The following C3orf33 variants were observed in gnomAD, a reference collection of about 807,000 sequenced individuals.
C3orf33 encodes the protein AP-1 activity suppressor.
A neutral mutation model predicts 28.7 loss-of-function variants in C3orf33; 23 were observed. That is an observed-to-expected ratio of 0.80 (90% CI 0.58 to 1.13). The LOEUF is 1.13. Among genes scored for constraint, C3orf33 ranks in the 50% most tolerant of loss-of-function variants. The pLI is 0.00. For synonymous variants in C3orf33, 119 were observed against 120.5 expected, an observed-to-expected ratio of 0.99 and a Z score of 0.08; for missense variants, 327 against 353.4, an observed-to-expected ratio of 0.93 and a Z score of 0.60.
intron 2 of C3orf33, among the ~76,000 whole-genome samples, chr3:155,792,919 GATA>G: frequency 6.6e-6 from 1 of 152,066 alleles, no homozygotes; most frequent in Non-Finnish European, 1.5e-5. Context: ...TAGTCAAAGG[GATA>G]ATAACAGAGA....
At chr3:155,791,085 A>T (rs1268390272) in intron 2 of C3orf33, among the ~76,000 whole-genome samples, 1 of 152,154 alleles carries the variant, frequency 6.6e-6, no homozygotes, top group Non-Finnish European at 1.5e-5. Flanking sequence ...GAGGAGAGGA[A>T]AAGGAAGAGT....
At chr3:155,803,261 C>G (rs1217225601) in intron 1 of C3orf33, among the ~76,000 whole-genome samples, 1 of 151,988 alleles carries the variant, frequency 6.6e-6, no homozygotes, top group Non-Finnish European at 1.5e-5. Flanking sequence ...ATCAATACAA[C>G]TAGGTATATA....
intron 2 of C3orf33, among the ~76,000 whole-genome samples, chr3:155,795,868 A>T (rs1185230416): frequency 1.3e-5 from 2 of 152,080 alleles, no homozygotes; most frequent in African/African-American, 4.8e-5. Flanking sequence ...AGGCAGAAGA[A>T]TTGCTTGAAC....
intron 2 of C3orf33, among the ~76,000 whole-genome samples, chr3:155,790,163 CAAAAAAAA>C: frequency 2.6e-5 from 1 of 38,686 alleles, no homozygotes; most frequent in African/African-American, 1.1e-4. Flanking sequence ...AACTCTGTCT[CAAAAAAAA>C]AAAAAAAAAA....
chr3:155,806,181 A>G lies in C3orf33; in HGVS notation c.72T>C (p.Ala24=). ...DKDGMEPNVV[A]RISQWADDHL... is the part of the protein sequence containing the mutation. ...GGTCGTCTGCCCACTGCGAGATCCGAGCCACGACGTTGGGCTCCATTCCGT... is the reference window on the plus strand; with the variant it reads ...GGTCGTCTGCCCACTGCGAGATCCGGGCCACGACGTTGGGCTCCATTCCGT... Residue 24 remains alanine, a synonymous_variant, in exon 1 of 5, where the codon GCT becomes GCC. Transcript: ENST00000340171. 6.7e-7 allele frequency: 1 copy of G among 1,497,506 alleles called. No individual in the cohort carries two copies. 92.8% of individuals were successfully genotyped at this position (1,497,506 alleles called of 1,614,324 possible).
chr3:155,784,358 TTTAAA>T (rs1456943133), intron 2 of C3orf33, among the ~76,000 whole-genome samples: 9 of 152,316 alleles, frequency 5.9e-5, no homozygotes, highest in Admixed American at 5.2e-4. Flanking sequence ...TTGGTATGAA[TTTAAA>T]TTAGAGTGTT....
intron 4 of C3orf33, among the ~76,000 whole-genome samples, chr3:155,765,004 CAT>C (rs1243527234): frequency 6.6e-6 from 1 of 152,178 alleles, no homozygotes; most frequent in Non-Finnish European, 1.5e-5. Flanking sequence ...AAGCAATTAT[CAT>C]ATTTTTCTAA....
chr3:155,786,116 G>A (rs1221446772), intron 2 of C3orf33, among the ~76,000 whole-genome samples: 3 of 146,724 alleles, frequency 2.0e-5, no homozygotes, highest in African/African-American at 8.1e-5. Context: ...GGGGAAATGG[G>A]AAAGGAGAAA....
Position 155,763,556 on chromosome 3 carries a change from T to G in C3orf33, c.846A>C (p.Arg282Ser). Residue 282 changes from arginine to serine, a missense_variant, in exon 5 of 5, where the codon AGA becomes AGC. By Grantham distance (110) the Arg-to-Ser change is moderately radical (BLOSUM62 -1). Transcript: ENST00000340171. ...GAAAGTTTATGCGACTTATAAGTTC[T>G]CTGAACTTCAGTATTAAGGAGCAGT... is the stretch of plus-strand genomic sequence containing the variant. ...MNNCSLILKF[R>S]ELISRINFRR... 6.5e-7 allele frequency: 1 copy of G among 1,543,578 alleles called. No individual in the cohort carries two copies.
chr3:155,787,557 G>A (rs1751162939), intron 2 of C3orf33, among the ~76,000 whole-genome samples: 1 of 151,604 alleles, frequency 6.6e-6, no homozygotes, highest in African/African-American at 2.4e-5. Flanking sequence ...TCACTGTGTT[G>A]CCCAGGCTGG....
chr3:155,766,913 GCA>G (rs1192494579), intron 4 of C3orf33, among the ~76,000 whole-genome samples: 1 of 151,978 alleles, frequency 6.6e-6, no homozygotes, highest in African/African-American at 2.4e-5. Flanking sequence ...TCATGCCGCT[GCA>G]CTCCAGCCTG....
At chr3:155,766,828 T>TA (rs1277741890) in intron 4 of C3orf33, among the ~76,000 whole-genome samples, 1 of 152,086 alleles carries the variant, frequency 6.6e-6, no homozygotes, top group Non-Finnish European at 1.5e-5. Flanking sequence ...TGTGCACCTG[T>TA]AGTCCCAGCT....
intron 2 of C3orf33, among the ~76,000 whole-genome samples, chr3:155,781,313 G>A (rs539638513): frequency 7.6e-4 from 116 of 152,162 alleles, no homozygotes; most frequent in African/African-American, 2.6e-3. Flanking sequence ...ACATGGTGAA[G>A]CTGCTGTTAC....
chr3:155,764,779 C>A (rs1016064316), intron 4 of C3orf33, among the ~76,000 whole-genome samples: 2 of 151,930 alleles, frequency 1.3e-5, no homozygotes, highest in African/African-American at 4.8e-5. Flanking sequence ...TTGCTTGAAC[C>A]CAGGAGGCAG....
At chr3:155,784,035 G>C (rs774674730) in intron 2 of C3orf33, among the ~76,000 whole-genome samples, 1 of 151,578 alleles carries the variant, frequency 6.6e-6, no homozygotes, top group South Asian at 2.1e-4. Flanking sequence ...GGGTTCAACC[G>C]ATTCTCCTGC....
At chr3:155,802,361 G>T (rs1751673389) in intron 2 of C3orf33, among the ~76,000 whole-genome samples, 171 bp downstream of exon 2, 1 of 152,120 alleles carries the variant, frequency 6.6e-6, no homozygotes, top group African/African-American at 2.4e-5. Context: ...AAATCCTGTG[G>T]ATGTGTTATA....
In C3orf33 at chr3:155,797,699, G is replaced by A. The variant is rs995590814; in HGVS notation, c.174+4833C>T. ...AAAAAGAAATCAAGAAAGTAATCCC[G>A]TTTACAATATCTGGAAATAAAATTA... On this transcript the variant is annotated intron_variant, in intron 2 of 4. Transcript: ENST00000340171. Among the ~76,000 whole-genome samples the A allele has an allele frequency of 3.3e-5, 5 of 152,068 alleles. No homozygotes were observed. The East Asian group carries it at 5.8e-4, about 18-fold the overall frequency.
intron 2 of C3orf33, among the ~76,000 whole-genome samples, chr3:155,792,939 A>G (rs1429488849): frequency 6.6e-6 from 1 of 152,172 alleles, no homozygotes; most frequent in Non-Finnish European, 1.5e-5. Flanking sequence ...GAGAACGTAC[A>G]AAATCTAGAG....
At chr3:155,777,484 AG>A (rs1289656740) in intron 2 of C3orf33, among the ~76,000 whole-genome samples, 1 of 151,648 alleles carries the variant, frequency 6.6e-6, no homozygotes, top group Non-Finnish European at 1.5e-5. Context: ...TCTGTGGCCC[AG>A]GCTGCAGCTC....
Sources: gnomAD v4.1 joint callset for allele counts (sites outside exome capture counted in the v4.1 genomes callset) on GRCh38, gnomAD v4.1.1 for gene constraint, MANE v1.5 for transcripts, NCBI Gene and HGNC (gene_info 2026-07-23, HGNC 2026-07-21) for gene names.